Variants in ROBO1 observed in about 807,000 individuals in gnomAD.
ROBO1 encodes the protein roundabout homolog 1.
In ROBO1, 149 loss-of-function variants were observed where a neutral mutation model predicts 195.9. The observed-to-expected ratio is 0.76, with a 90% CI of 0.67 to 0.87. ROBO1 has a LOEUF of 0.87. Among genes scored for constraint, ROBO1 ranks in the 40% least tolerant of loss-of-function variants. The pLI is 0.00. For synonymous variants in ROBO1, 816 were observed against 733.2 expected (o/e 1.11, Z -1.82); for missense variants, 1,933 against 2,068.3 (o/e 0.93, Z 1.27).
chr3:79,371,629 G>A (rs1033426734), intron 2 of ROBO1, among the ~76,000 whole-genome samples: 9 of 152,074 alleles, frequency 5.9e-5, no homozygotes, highest in Admixed American at 1.3e-4. Flanking sequence ...TATAAAGTGC[G>A]GAGGGTAATA....
chr3:78,797,013 G>T (rs571048887), intron 4 of ROBO1, among the ~76,000 whole-genome samples: 26 of 152,256 alleles, frequency 1.7e-4, no homozygotes, highest in Non-Finnish European at 2.8e-4. Context: ...TTCACCTCAT[G>T]TATTTCTTTT....
intron 1 of ROBO1, among the ~76,000 whole-genome samples, chr3:79,707,793 C>T (rs1017008493): frequency 6.6e-6 from 1 of 152,166 alleles, no homozygotes; most frequent in South Asian, 2.1e-4. Context: ...CAGGCGTGGG[C>T]CATCACACCT....
intron 3 of ROBO1, among the ~76,000 whole-genome samples, chr3:78,960,161 G>A (rs1480043430): frequency 2.0e-5 from 3 of 151,896 alleles, no homozygotes; most frequent in Admixed American, 6.6e-5. Context: ...TGGGTGACAC[G>A]GCAAAATCCC....
At chr3:79,234,570 C>G (rs1427202716) in intron 2 of ROBO1, among the ~76,000 whole-genome samples, 1 of 152,008 alleles carries the variant, frequency 6.6e-6, no homozygotes, top group Non-Finnish European at 1.5e-5. Flanking sequence ...TGGAGTCAAC[C>G]TAGGTGCCCA....
intron 2 of ROBO1, among the ~76,000 whole-genome samples, chr3:79,526,800 C>A (rs1941451280): frequency 6.6e-6 from 1 of 151,972 alleles, no homozygotes; most frequent in South Asian, 2.1e-4. Context: ...AATCTTTTTG[C>A]AATTATGATT....
chr3:78,909,702 AT>A (rs1475524743), intron 4 of ROBO1, among the ~76,000 whole-genome samples: 1 of 151,770 alleles, frequency 6.6e-6, no homozygotes, highest in Non-Finnish European at 1.5e-5. Context: ...GAAAAATGTA[AT>A]CACTTGATAT....
intron 2 of ROBO1, among the ~76,000 whole-genome samples, chr3:79,276,629 T>C (rs963190578): frequency 6.6e-6 from 1 of 151,912 alleles, no homozygotes; most frequent in African/African-American, 2.4e-5. Flanking sequence ...TGGGATCATA[T>C]AAAGTTTAAA....
At chr3:79,347,187 A>G (rs2035156680) in intron 2 of ROBO1, among the ~76,000 whole-genome samples, 1 of 152,268 alleles carries the variant, frequency 6.6e-6, no homozygotes, top group Middle Eastern at 3.4e-3. Flanking sequence ...GGAGAGTTGT[A>G]ATTTTTCTTG....
At chr3:79,399,271 G>A (rs2037271277) in intron 2 of ROBO1, among the ~76,000 whole-genome samples, 1 of 152,060 alleles carries the variant, frequency 6.6e-6, no homozygotes, top group Non-Finnish European at 1.5e-5. Flanking sequence ...TCAAACTCCT[G>A]CAAGTTGCTT....
At chr3:79,763,859 T>G (rs1032734936) in intron 1 of ROBO1, among the ~76,000 whole-genome samples, 4 of 152,162 alleles carry the variant, frequency 2.6e-5, no homozygotes, top group Admixed American at 2.0e-4. Context: ...GATTAAAAAA[T>G]TATGAGTACT....
chr3:79,163,617 G>A (rs897936477), intron 2 of ROBO1, among the ~76,000 whole-genome samples: 1 of 152,040 alleles, frequency 6.6e-6, no homozygotes, highest in Non-Finnish European at 1.5e-5. Context: ...GTTTTTTACA[G>A]CAGTTGTATC....
intron 4 of ROBO1, among the ~76,000 whole-genome samples, chr3:78,931,776 G>T (rs1244877973): frequency 1.3e-5 from 2 of 151,972 alleles, no homozygotes; most frequent in Non-Finnish European, 2.9e-5. Flanking sequence ...GACCAGCCTG[G>T]GCAATACAGA....
Position 78,617,619 on chromosome 3 carries a change from A to G in ROBO1, c.4282+16T>C, listed in dbSNP as rs1239420112. 6.3e-7 allele frequency: 1 copy of G among 1,576,912 alleles called. No homozygotes were observed. Among genetic ancestry groups the G allele is most frequent in the Non-Finnish European group, 8.6e-7 (1 of 1,161,502 alleles). ...GAGTTTTCTTTCCCAGCTTGGTGAA[A>G]AGTGTTAGGACTCACCAGCAGCATC... is the stretch of plus-strand genomic sequence containing the variant. On this transcript the variant is annotated intron_variant, in intron 27 of 30. Transcript: ENST00000464233.
chr3:79,019,564 C>G (rs937462600), intron 3 of ROBO1: 1 of 985,666 alleles, frequency 1.0e-6, no homozygotes, highest in Non-Finnish European at 1.2e-6. Flanking sequence ...ATGCTTCACT[C>G]TATTCTCCAG....
intron 1 of ROBO1, 76 bp from the exon 2 acceptor site, chr3:79,590,037 T>C: frequency 1.7e-6 from 1 of 590,950 alleles, no homozygotes; most frequent in Non-Finnish European, 3.0e-6. Flanking sequence ...AACATTGCAG[T>C]TCAAATAGAT....
At chr3:79,619,741 T>A (rs1944944053) in intron 1 of ROBO1, among the ~76,000 whole-genome samples, 1 of 152,132 alleles carries the variant, frequency 6.6e-6, no homozygotes, top group African/African-American at 2.4e-5. Context: ...GTCCATGGCC[T>A]GTTTGGCAAC....
At chr3:79,618,731 G>T (rs1296265924) in intron 1 of ROBO1, among the ~76,000 whole-genome samples, 2 of 152,042 alleles carry the variant, frequency 1.3e-5, no homozygotes, top group Non-Finnish European at 2.9e-5. Context: ...ATGACATTTG[G>T]TGCCTCACTC....
intron 2 of ROBO1, among the ~76,000 whole-genome samples, chr3:79,364,590 T>A (rs1466205794): frequency 6.6e-6 from 1 of 152,144 alleles, no homozygotes; most frequent in Non-Finnish European, 1.5e-5. Context: ...TTATCACAAA[T>A]CAGGCCTTAA....
intron 5 of ROBO1, among the ~76,000 whole-genome samples, chr3:78,719,499 T>C (rs2081990334): frequency 6.6e-6 from 1 of 150,828 alleles, no homozygotes; most frequent in African/African-American, 2.5e-5. Context: ...ATATACACAT[T>C]TACCATGAAT....
Sources: gnomAD v4.1 joint callset for allele counts (sites outside exome capture counted in the v4.1 genomes callset) on GRCh38, gnomAD v4.1.1 for gene constraint, MANE v1.5 for transcripts, NCBI Gene and HGNC (gene_info 2026-07-23, HGNC 2026-07-21) for gene names.